MARCHF5: variants seen among roughly 807,000 people sequenced by gnomAD.
The protein encoded by MARCHF5 is membrane associated ring-CH-type finger 5.
MARCHF5 carries 5 observed loss-of-function variants against 36.5 expected under a neutral mutation model. The observed-to-expected ratio is 0.14, with a 90% CI of 0.07 to 0.29. The LOEUF (loss-of-function observed/expected upper bound fraction) is 0.29. Ranked by LOEUF, MARCHF5 falls within the 10% of genes least tolerant of loss-of-function variation. The pLI, the probability that MARCHF5 is intolerant of heterozygous loss-of-function variation, is 1.00. For missense variants in MARCHF5, 179 were observed against 336.3 expected (o/e 0.53, Z 3.66); for synonymous variants, 103 against 109.9 (o/e 0.94, Z 0.39).
At chr10:92,337,685 C>T (rs566325051) in intron 2 of MARCHF5, among the ~76,000 whole-genome samples, 2 of 151,554 alleles carry the variant, frequency 1.3e-5, no homozygotes, top group East Asian at 3.9e-4. Flanking sequence ...GATGAGGATC[C>T]AGTAAAGAGT....
chr10:92,329,919 C>T (rs1843416231), intron 2 of MARCHF5, among the ~76,000 whole-genome samples: 1 of 152,208 alleles, frequency 6.6e-6, no homozygotes, highest in African/African-American at 2.4e-5. Flanking sequence ...AATCTTGGCT[C>T]ACTGTAACCT....
chr10:92,297,656 T>G (rs2135175042), intron 1 of MARCHF5, among the ~76,000 whole-genome samples: 1 of 151,766 alleles, frequency 6.6e-6, no homozygotes, highest in Non-Finnish European at 1.5e-5. Context: ...CACACCCAGC[T>G]AATTTTTTGT....
chr10:92,295,376 G>T (rs368760001), intron 1 of MARCHF5, among the ~76,000 whole-genome samples: 8 of 126,674 alleles, frequency 6.3e-5, no homozygotes, highest in African/African-American at 2.3e-4. Flanking sequence ...GGGCCAACTG[G>T]TGACAACTTC....
At chr10:92,313,213 G>A (rs1002018929) in intron 2 of MARCHF5, among the ~76,000 whole-genome samples, 34 of 152,152 alleles carry the variant, frequency 2.2e-4, no homozygotes, top group African/African-American at 6.5e-4. Flanking sequence ...AAGCCTGGGC[G>A]ACAGAGCCGA....
intron 1 of MARCHF5, among the ~76,000 whole-genome samples, chr10:92,294,857 G>A (rs528512217): frequency 3.9e-5 from 6 of 152,178 alleles, no homozygotes; most frequent in Admixed American, 3.9e-4. Flanking sequence ...GGGCAACATG[G>A]CAAGACTCAG....
At chr10:92,327,050 C>T (rs1036427513) in intron 2 of MARCHF5, among the ~76,000 whole-genome samples, 2 of 152,046 alleles carry the variant, frequency 1.3e-5, no homozygotes, top group African/African-American at 4.8e-5. Context: ...TCTCTCCCTA[C>T]ACTTACACAG....
intron 1 of MARCHF5, among the ~76,000 whole-genome samples, chr10:92,297,537 G>A (rs1323313288): frequency 1.4e-5 from 2 of 140,054 alleles, no homozygotes; most frequent in African/African-American, 2.7e-5. Context: ...CACCCAAGCT[G>A]GAGTGCAATG....
intron 1 of MARCHF5, among the ~76,000 whole-genome samples, chr10:92,302,537 C>G (rs1318382312): frequency 6.6e-6 from 1 of 151,692 alleles, no homozygotes; most frequent in Non-Finnish European, 1.5e-5. Context: ...CTCCGCCTCC[C>G]GAGTTCAAGC....
chr10:92,353,743 T>G lies in MARCHF5; in HGVS notation c.*2536T>G, dbSNP rs753307840. ...TTTTATAAAATTCAATGACGACTAC[T>G]AGAATTCTTTTCAAAAGTTAACTTA... On this transcript the variant is annotated 3_prime_UTR_variant, in exon 6 of 6. Transcript: ENST00000358935. 4 of 84,718 alleles carry G rather than the reference T, an allele frequency of 4.7e-5. No individual in the cohort carries two copies. Among genetic ancestry groups the G allele is most frequent in the Non-Finnish European group, 8.9e-5 (4 of 44,702 alleles). 5.2% of individuals were successfully genotyped at this position (84,718 alleles called of 1,614,324 possible). A position where few individuals can be genotyped will look rare whatever the true frequency, so the allele number is the denominator to read the frequency against.
chr10:92,299,476 C>G (rs770806362), intron 1 of MARCHF5, among the ~76,000 whole-genome samples: 1 of 152,118 alleles, frequency 6.6e-6, no homozygotes, highest in Admixed American at 6.6e-5. Flanking sequence ...TGCCTTCCTC[C>G]CTCCTAACAC....
At chr10:92,292,995 C>G (rs548028675) in intron 1 of MARCHF5, among the ~76,000 whole-genome samples, 1 of 152,304 alleles carries the variant, frequency 6.6e-6, no homozygotes, top group Non-Finnish European at 1.5e-5. Flanking sequence ...CTGCCACTGC[C>G]AGTTCTATTC....
At chr10:92,293,608 T>TAAA (rs771787448) in intron 1 of MARCHF5, among the ~76,000 whole-genome samples, 1 of 126,644 alleles carries the variant, frequency 7.9e-6, no homozygotes, top group Non-Finnish European at 1.7e-5. Context: ...CTGTCTCTAC[T>TAAA]AAAAAAAAAA....
chr10:92,301,834 G>A (rs1054412722), intron 1 of MARCHF5, among the ~76,000 whole-genome samples: 10 of 152,258 alleles, frequency 6.6e-5, no homozygotes, highest in East Asian at 3.9e-4. Flanking sequence ...TGAGGCAGGC[G>A]GATCATCTGA....
At chr10:92,347,517 G>T (rs1397183412) in intron 3 of MARCHF5, among the ~76,000 whole-genome samples, 6 of 35,962 alleles carry the variant, frequency 1.7e-4, no homozygotes, top group African/African-American at 4.2e-4. Flanking sequence ...TAGATAGATA[G>T]ATAGATGATA....
chr10:92,302,548 G>A (rs747560107), intron 1 of MARCHF5, among the ~76,000 whole-genome samples: 1 of 151,142 alleles, frequency 6.6e-6, no homozygotes, highest in African/African-American at 2.4e-5. Flanking sequence ...GAGTTCAAGC[G>A]ATTTTCCTGC....
chr10:92,340,586 G>T, intron 2 of MARCHF5, 87 bp from the exon 3 acceptor site: 1 of 1,250,802 alleles, frequency 8.0e-7, no homozygotes, highest in Non-Finnish European at 1.1e-6. Context: ...TGGGGGGAAG[G>T]TATTTTAGAT....
chr10:92,341,433 A>C (rs1205535575), intron 3 of MARCHF5, among the ~76,000 whole-genome samples: 2 of 152,130 alleles, frequency 1.3e-5, no homozygotes, highest in African/African-American at 4.8e-5. Flanking sequence ...GAACTTGGAT[A>C]AGTGGTCAAA....
chr10:92,304,287 T>G (rs1005802852), intron 1 of MARCHF5, among the ~76,000 whole-genome samples: 8 of 152,222 alleles, frequency 5.3e-5, no homozygotes, highest in African/African-American at 1.2e-4. Context: ...CTAGTGGTCA[T>G]ATGGAGGTTA....
chr10:92,298,343 C>T (rs752733489), intron 1 of MARCHF5, among the ~76,000 whole-genome samples: 3 of 152,106 alleles, frequency 2.0e-5, no homozygotes, highest in Non-Finnish European at 4.4e-5. Flanking sequence ...TACACTTACT[C>T]ACTCTCTTTC....
Sources: allele counts gnomAD v4.1 joint callset (sites outside exome capture counted in the v4.1 genomes callset), GRCh38; gene constraint gnomAD v4.1.1; transcripts MANE v1.5; gene names NCBI Gene and HGNC (gene_info 2026-07-23, HGNC 2026-07-21).